The following RIPOR2 variants were observed in gnomAD, a reference collection of about 807,000 sequenced individuals.
RIPOR2 encodes rho family-interacting cell polarization regulator 2.
A neutral mutation model predicts 114.5 loss-of-function variants in RIPOR2; 39 were observed. The ratio of observed to expected loss-of-function variants is 0.34; its 90% confidence interval spans 0.26 to 0.44. RIPOR2 has a LOEUF of 0.44. RIPOR2 is among the 20% of genes least tolerant of loss of function. The probability of loss-of-function intolerance (pLI) is 1.00; values close to 1 mark genes in which losing one functional copy is unlikely to be tolerated. For missense variants in RIPOR2, 1,007 were observed against 1,255.1 expected (o/e 0.80, Z 2.99); for synonymous variants, 445 against 484.4 (o/e 0.92, Z 1.07).
At chr6:25,000,270 T>C (rs1300754368) in intron 1 of RIPOR2, among the ~76,000 whole-genome samples, 3 of 152,176 alleles carry the variant, frequency 2.0e-5, no homozygotes, top group Non-Finnish European at 4.4e-5. Flanking sequence ...TTGGGCATCC[T>C]TCATGTTAGC....
intron 1 of RIPOR2, among the ~76,000 whole-genome samples, chr6:24,974,764 AATAG>A (rs764588084): frequency 5.9e-5 from 9 of 152,364 alleles, no homozygotes; most frequent in South Asian, 2.1e-4. Flanking sequence ...TCAACTGATG[AATAG>A]ATAAAGTGTG....
chr6:24,860,823 T>C, intron 8 of RIPOR2, 150 bp downstream of exon 8: 1 of 583,572 alleles, frequency 1.7e-6, no homozygotes. Flanking sequence ...ATGAGAAGCA[T>C]CAGTAAACTA....
At chr6:24,996,094 G>T (rs1477009737) in intron 1 of RIPOR2, among the ~76,000 whole-genome samples, 2 of 152,170 alleles carry the variant, frequency 1.3e-5, no homozygotes, top group Non-Finnish European at 2.9e-5. Context: ...GAGCCACCAC[G>T]CCTGGCCTAG....
chr6:24,884,136 C>G (rs1034593576), intron 1 of RIPOR2, among the ~76,000 whole-genome samples: 1 of 152,108 alleles, frequency 6.6e-6, no homozygotes, highest in African/African-American at 2.4e-5. Context: ...AGGCCCGGCA[C>G]GGTGGCTCAC....
At position 24,848,025 on chromosome 6, in the gene RIPOR2, AAAG is replaced by A; in HGVS notation, c.1161_1163del (p.Phe388del). ...ACTCGGGAAATTACACTGAACTTAC[AAAG>A]AAGGAGTGGTCTTTGAAGGTGGGCG... On this transcript the variant is annotated inframe_deletion and splice_region_variant, in exon 12 of 22. Coordinates refer to ENST00000643898, the MANE Select transcript of RIPOR2 (RefSeq NM_001286445.3). The A allele has an allele frequency of 1.2e-6, 2 of 1,613,932 alleles. No homozygotes were observed. Among genetic ancestry groups the A allele is most frequent in the Non-Finnish European group, 8.5e-7 (1 of 1,179,834 alleles).
In RIPOR2 at chr6:24,805,552, C is replaced by A. The variant is rs4391258; in HGVS notation, c.*821G>T. The A allele has an allele frequency of 0.77, 117,155 of 151,928 alleles. 46,562 individuals carry two copies. Among genetic ancestry groups the A allele is most frequent in the East Asian group, 0.88 (4,529 of 5,146 alleles). The allele number at this position is 151,928 out of a possible 1,614,324, so 9.4% of individuals were successfully genotyped here. A position where few individuals can be genotyped will look rare whatever the true frequency, so the allele number is the denominator to read the frequency against. ...ATAAAATTAAAACATCTAAACTCTC[C>A]TAATGGGTCATTTTGCCAGGTTCTG... On this transcript the variant is annotated 3_prime_UTR_variant, in exon 22 of 22. Transcript: ENST00000643898.
chr6:24,871,309 T>A (rs2113876408), intron 4 of RIPOR2, among the ~76,000 whole-genome samples: 1 of 152,346 alleles, frequency 6.6e-6, no homozygotes, highest in Admixed American at 6.5e-5. Context: ...TGTTAAAAAA[T>A]ACCTGCCTCG....
At chr6:24,889,392 CA>C (rs1767116700) in intron 1 of RIPOR2, among the ~76,000 whole-genome samples, 1 of 152,140 alleles carries the variant, frequency 6.6e-6, no homozygotes, top group Non-Finnish European at 1.5e-5. Context: ...CTGTGTCATG[CA>C]GTTTTTAAAA....
chr6:24,973,413 C>T (rs985865826), intron 1 of RIPOR2, among the ~76,000 whole-genome samples: 7 of 151,782 alleles, frequency 4.6e-5, no homozygotes, highest in African/African-American at 1.7e-4. Flanking sequence ...CCATCCTGGC[C>T]AACATGGTGA....
In RIPOR2 at chr6:25,004,474, C is replaced by T. The variant is rs12529442; in HGVS notation, c.76+37377G>A. On this transcript the variant is annotated intron_variant, in intron 1 of 13. Transcript: ENST00000510784. ...TTATGTTCACCATTCACCCCCTGTA[C>T]TGGATTTTTCTCCACCTTGTCGCCT... Among the ~76,000 whole-genome samples the T allele has an allele frequency of 7.3e-3, 1,108 of 152,290 alleles. 35 individuals are homozygous for T. The highest frequency in any genetic ancestry group is 0.01 in the Admixed American group (153 of 15,296).
At chr6:24,904,086 A>G (rs1181927592) in intron 1 of RIPOR2, among the ~76,000 whole-genome samples, 1 of 152,230 alleles carries the variant, frequency 6.6e-6, no homozygotes, top group African/African-American at 2.4e-5. Flanking sequence ...GCACTTGCAC[A>G]AGATTGAAGG....
At chr6:24,835,412 C>A (rs1025432909) in intron 15 of RIPOR2, among the ~76,000 whole-genome samples, 1 of 152,140 alleles carries the variant, frequency 6.6e-6, no homozygotes, top group Non-Finnish European at 1.5e-5. Flanking sequence ...GGCTTCCCCC[C>A]ACCCCCTTAA....
chr6:24,869,491 T>C (rs1264002678), intron 5 of RIPOR2, among the ~76,000 whole-genome samples: 1 of 152,028 alleles, frequency 6.6e-6, no homozygotes, highest in Admixed American at 6.6e-5. Flanking sequence ...CTAATTTTTG[T>C]ATATTTAGTA....
intron 5 of RIPOR2, 66 bp from the exon 6 acceptor site, chr6:24,869,213 A>C (rs1038890338): frequency 1.3e-6 from 1 of 753,982 alleles, no homozygotes. Flanking sequence ...GCTTGTGAGA[A>C]TATCTTGATT....
intron 13 of RIPOR2, among the ~76,000 whole-genome samples, chr6:24,841,648 C>T (rs1398447820): frequency 1.4e-5 from 2 of 147,542 alleles, no homozygotes; most frequent in African/African-American, 5.0e-5. Context: ...GACAGGGTCT[C>T]ACTTTTTCAC....
At chr6:25,004,134 A>G (rs1349039928) in intron 1 of RIPOR2, among the ~76,000 whole-genome samples, 1 of 152,248 alleles carries the variant, frequency 6.6e-6, no homozygotes, top group Non-Finnish European at 1.5e-5. Flanking sequence ...TGAGACTTAT[A>G]GACAGTTTCT....
intron 1 of RIPOR2, among the ~76,000 whole-genome samples, chr6:24,941,214 T>C (rs1362406576): frequency 2.6e-5 from 4 of 152,082 alleles, no homozygotes; most frequent in Non-Finnish European, 5.9e-5. Context: ...ATGACGGTAA[T>C]TGCCCGCTGA....
intron 1 of RIPOR2, among the ~76,000 whole-genome samples, chr6:25,032,299 G>T (rs1205770001): frequency 6.6e-6 from 1 of 151,866 alleles, no homozygotes; most frequent in Non-Finnish European, 1.5e-5. Context: ...GTGTTAGCAA[G>T]TATCTCAGAC....
intron 1 of RIPOR2, among the ~76,000 whole-genome samples, chr6:24,949,840 C>T (rs1417186619): frequency 6.6e-6 from 1 of 152,082 alleles, no homozygotes; most frequent in Non-Finnish European, 1.5e-5. Flanking sequence ...CTGGAAGGGG[C>T]AGCCCCTGGA....
Sources: allele counts gnomAD v4.1 joint callset (sites outside exome capture counted in the v4.1 genomes callset), GRCh38; gene constraint gnomAD v4.1.1; transcripts MANE v1.5; gene names NCBI Gene and HGNC (gene_info 2026-07-23, HGNC 2026-07-21).